Variants in AK8 observed in about 807,000 individuals in gnomAD.
AK8 encodes the protein ATP-AMP transphosphorylase 8.
In AK8, 44 loss-of-function variants were observed where a neutral mutation model predicts 54.6. That is an observed-to-expected ratio of 0.81 (90% CI 0.63 to 1.04). The LOEUF is 1.04. Ranked by LOEUF, AK8 falls within the 50% of genes least tolerant of loss-of-function variation. The pLI is 0.00. For missense variants in AK8, 555 were observed against 613.6 expected (o/e 0.90, Z 1.01); for synonymous variants, 239 against 245.6 (o/e 0.97, Z 0.25).
At position 132,781,057 on chromosome 9, in the gene AK8, A is replaced by G. The variant is rs1044055096; in HGVS notation, c.1121+11577T>C. Among the ~76,000 whole-genome samples, 1 of 152,206 alleles carries G rather than the reference A, an allele frequency of 6.6e-6. No individual in the cohort carries two copies. The highest frequency in any genetic ancestry group is 2.4e-5 in the African/African-American group (1 of 41,442). On this transcript the variant is annotated intron_variant, in intron 11 of 12. Transcript: ENST00000298545. The surrounding 1 kb of genome is among the most constrained non-coding windows in gnomAD (Gnocchi z 4.6). The stretch of plus-strand genomic sequence containing the variant: ...TTCTCTGTAGTAAGCATTAATTTTA[A>G]AAGAAAATACTGTGCTACAAGCTTG...
intron 10 of AK8, among the ~76,000 whole-genome samples, chr9:132,807,775 T>G (rs1408919784): frequency 6.6e-6 from 1 of 152,158 alleles, no homozygotes; most frequent in African/African-American, 2.4e-5. Context: ...CATTTTATAT[T>G]AAGTGAAAAT....
chr9:132,848,144 G>C (rs2057786), intron 5 of AK8, among the ~76,000 whole-genome samples: 5 of 80,902 alleles, frequency 6.2e-5, no homozygotes, highest in African/African-American at 2.7e-4. Flanking sequence ...AAAAAAAAAA[G>C]ATTGAAGAGA....
At chr9:132,780,492 CG>C (rs1299096576) in intron 11 of AK8, among the ~76,000 whole-genome samples, 1 of 152,188 alleles carries the variant, frequency 6.6e-6, no homozygotes, top group African/African-American at 2.4e-5. Flanking sequence ...CCAGCACCAA[CG>C]GGGAGCCATA....
At chr9:132,871,570 A>T (rs562004307) in intron 2 of AK8, among the ~76,000 whole-genome samples, 16 of 152,330 alleles carry the variant, frequency 1.1e-4, no homozygotes, top group East Asian at 5.8e-4. Context: ...ATCCGGGCAA[A>T]AAGCTGGACT....
chr9:132,841,214 C>T (rs1842528540), intron 5 of AK8, among the ~76,000 whole-genome samples: 1 of 152,214 alleles, frequency 6.6e-6, no homozygotes, highest in Admixed American at 6.5e-5. Flanking sequence ...ACACCAGTCC[C>T]TGTCTGAGTG....
At chr9:132,797,221 C>A (rs1300973426) in intron 10 of AK8, among the ~76,000 whole-genome samples, 1 of 152,084 alleles carries the variant, frequency 6.6e-6, no homozygotes, top group Non-Finnish European at 1.5e-5. Flanking sequence ...AGGGATCCCC[C>A]CAGTAGGGTC....
At chr9:132,761,388 G>A (rs1468777432) in intron 11 of AK8, among the ~76,000 whole-genome samples, 1 of 151,270 alleles carries the variant, frequency 6.6e-6, no homozygotes. Flanking sequence ...TCAGCCACTC[G>A]AGTAGCTGGG....
intron 11 of AK8, chr9:132,769,748 G>A (rs1838876328): frequency 6.6e-6 from 1 of 152,184 alleles, no homozygotes. Flanking sequence ...TAGGTAATCA[G>A]ATCGCTGTTA....
At position 132,747,871 on chromosome 9, in the gene AK8, T is replaced by C. The variant is rs1024038933; in HGVS notation, c.1122-20337A>G. 2.0e-5 allele frequency among the ~76,000 whole-genome samples: 3 copies of C among 150,974 alleles called. 1 individual carries two copies. Among genetic ancestry groups the C allele is most frequent in the African/African-American group, 7.3e-5 (3 of 41,262 alleles). ...TGGCTCACACCTGTAATCCCAGCAC[T>C]TTGGGAGGCCGAGGCAGGGGAGTTC... On this transcript the variant is annotated intron_variant, in intron 11 of 12. Coordinates refer to ENST00000298545, the MANE Select transcript of AK8 (RefSeq NM_152572.3).
intron 1 of AK8, among the ~76,000 whole-genome samples, chr9:132,875,806 C>T (rs895265800): frequency 3.9e-5 from 6 of 152,232 alleles, no homozygotes; most frequent in Admixed American, 3.3e-4. Context: ...ACCCCAATAC[C>T]TGGCAGTCAT....
chr9:132,844,567 C>T (rs1033445804), intron 5 of AK8, among the ~76,000 whole-genome samples: 7 of 152,132 alleles, frequency 4.6e-5, no homozygotes, highest in Non-Finnish European at 8.8e-5. Context: ...ACAACCAAAG[C>T]ACATAATTAG....
chr9:132,830,603 C>T (rs1448145260), intron 5 of AK8, among the ~76,000 whole-genome samples: 2 of 152,072 alleles, frequency 1.3e-5, no homozygotes, highest in African/African-American at 4.8e-5. Flanking sequence ...CTACTTTCCC[C>T]TTGGGGTCGC....
intron 4 of AK8, among the ~76,000 whole-genome samples, chr9:132,863,139 G>A (rs1843453598): frequency 6.6e-6 from 1 of 152,260 alleles, no homozygotes; most frequent in Non-Finnish European, 1.5e-5. Flanking sequence ...GTGTGGGAGG[G>A]ACAGGGGGAA....
At chr9:132,838,323 G>A (rs530334195) in intron 5 of AK8, among the ~76,000 whole-genome samples, 183 of 152,258 alleles carry the variant, frequency 1.2e-3, no homozygotes, top group African/African-American at 4.0e-3. Context: ...TGCTACGTCC[G>A]CTCCCCCTTT....
intron 10 of AK8, among the ~76,000 whole-genome samples, chr9:132,800,849 G>C (rs7020750): frequency 0.11 from 16,339 of 151,862 alleles, 1,223 homozygotes; most frequent in African/African-American, 0.19. Context: ...ACAAGACTGA[G>C]GTGCCCACAC....
rs138440349 is a variant in AK8 at position 132,725,700 on chromosome 9, C to G, written c.1428G>C (p.Lys476Asn). 585 of 1,574,934 alleles carry G rather than the reference C, an allele frequency of 3.7e-4. 4 individuals are homozygous for G. In the African/African-American group the frequency reaches 7.1e-3, roughly 19 times the overall value. Reference sequence around the variant, plus strand: ...GGCTCTGAACCCATCAGGGGATTTTCTTGGGCAGGGGATTAATGATCCCAC... The same window carrying G: ...GGCTCTGAACCCATCAGGGGATTTTGTTGGGCAGGGGATTAATGATCCCAC... Reference protein sequence around the residue: ...IESGIINPLPKKIP With the variant: ...IESGIINPLPNKIP The change falls in exon 13 of 13, where the codon AAG (lysine) becomes AAC (asparagine). Residue 476 changes from lysine (K) to asparagine (N), a missense_variant. Physicochemically the swap from Lys to Asn is moderately conservative, Grantham distance 94. Transcript: ENST00000298545.
At chr9:132,773,078 G>A (rs146631882) in intron 11 of AK8, among the ~76,000 whole-genome samples, 36 of 152,308 alleles carry the variant, frequency 2.4e-4, no homozygotes, top group Non-Finnish European at 4.3e-4. Context: ...AGGAAAAGCC[G>A]AATTCCTTCA....
At chr9:132,810,616 C>T (rs1185259185) in intron 10 of AK8, among the ~76,000 whole-genome samples, 3 of 152,104 alleles carry the variant, frequency 2.0e-5, no homozygotes, top group African/African-American at 4.8e-5. Flanking sequence ...GATCTGTAAA[C>T]GCCCAACTCC....
intron 9 of AK8, 91 bp from the exon 10 acceptor site, chr9:132,814,818 G>T: frequency 1.0e-6 from 1 of 956,358 alleles, no homozygotes; most frequent in Non-Finnish European, 1.5e-6. Context: ...CCTGCTGAGG[G>T]AAAAAAAAAA....
Sources: allele counts gnomAD v4.1 joint callset (sites outside exome capture counted in the v4.1 genomes callset), GRCh38; gene constraint gnomAD v4.1.1; non-coding constraint Gnocchi (gnomAD v3.1); transcripts MANE v1.5; gene names NCBI Gene and HGNC (gene_info 2026-07-23, HGNC 2026-07-21).